The following UROS variants were observed in gnomAD, a reference collection of about 807,000 sequenced individuals.
UROS encodes uroporphyrinogen-III synthase.
In UROS, 18 loss-of-function variants were observed where a neutral mutation model predicts 33.0. The ratio of observed to expected loss-of-function variants is 0.55; its 90% confidence interval spans 0.38 to 0.81. UROS has a LOEUF of 0.81. UROS is among the 30% of genes least tolerant of loss of function. The pLI, the probability that UROS is intolerant of heterozygous loss-of-function variation, is 0.00. For synonymous variants in UROS, 114 were observed against 121.1 expected, an observed-to-expected ratio of 0.94 and a Z score of 0.38; for missense variants, 293 against 314.9, an observed-to-expected ratio of 0.93 and a Z score of 0.53.
At chr10:125,807,193 A>G in intron 6 of UROS, 1 of 581,720 alleles carries the variant, frequency 1.7e-6, no homozygotes, top group Non-Finnish European at 3.1e-6. Flanking sequence ...GTTCAAGTCA[A>G]GTTCTTTGGT....
At chr10:125,798,275 G>T in intron 6 of UROS, 130 bp from the exon 7 acceptor site, 1 of 885,260 alleles carries the variant, frequency 1.1e-6, no homozygotes. Context: ...CTAGGACTCA[G>T]TTTCAGCATC....
At chr10:125,787,316 C>G (rs1687915507), downstream of UROS, among the ~76,000 whole-genome samples, 1 of 151,940 alleles carries the variant, frequency 6.6e-6, no homozygotes, top group African/African-American at 2.4e-5. Context: ...GCCCACACAT[C>G]CCTCCCGCTC....
intron 5 of UROS, among the ~76,000 whole-genome samples, chr10:125,808,277 G>C (rs1303469381): frequency 1.3e-5 from 2 of 152,218 alleles, no homozygotes; most frequent in Middle Eastern, 3.2e-3. Context: ...AAGTGCTGTG[G>C]GCTTTCCACT....
chr10:125,797,196 C>A (rs1851439020), intron 7 of UROS, among the ~76,000 whole-genome samples: 1 of 152,180 alleles, frequency 6.6e-6, no homozygotes, highest in Non-Finnish European at 1.5e-5. Flanking sequence ...GGTCTAAGGT[C>A]ATCCTGGGTC....
chr10:125,804,171 C>G (rs1395420729), intron 6 of UROS, among the ~76,000 whole-genome samples: 1 of 152,178 alleles, frequency 6.6e-6, no homozygotes, highest in Non-Finnish European at 1.5e-5. Flanking sequence ...GAAGGCCACA[C>G]AGAGGATCAC....
intron 6 of UROS, among the ~76,000 whole-genome samples, chr10:125,806,215 C>T (rs1055925259): frequency 4.6e-5 from 7 of 152,172 alleles, no homozygotes; most frequent in Admixed American, 3.3e-4. Context: ...GCCAACATCA[C>T]CTTTAGGAGT....
At chr10:125,796,687 C>T (rs1851398626) in intron 7 of UROS, 2 of 745,870 alleles carry the variant, frequency 2.7e-6, no homozygotes, top group Non-Finnish European at 3.3e-6. Flanking sequence ...ACTGATTAAG[C>T]CGTGGACTTT....
At chr10:125,818,438 G>A (rs1853551544) in intron 1 of UROS, among the ~76,000 whole-genome samples, 1 of 151,922 alleles carries the variant, frequency 6.6e-6, no homozygotes, top group South Asian at 2.1e-4. Context: ...GGTTGCTGTG[G>A]GCTATAATCG....
intron 6 of UROS, among the ~76,000 whole-genome samples, chr10:125,804,797 CCTCT>C: frequency 6.6e-6 from 1 of 152,306 alleles, no homozygotes; most frequent in Middle Eastern, 3.4e-3. Flanking sequence ...ACTGTTCATA[CCTCT>C]TCTGGTCACT....
chr10:125,814,737 ATCTC>A (rs1253973424), intron 4 of UROS, among the ~76,000 whole-genome samples: 3 of 152,138 alleles, frequency 2.0e-5, no homozygotes, highest in African/African-American at 7.2e-5. Context: ...TTTTTTCATC[ATCTC>A]TCTTTCAGGA....
rs1045198638 is a variant in UROS, at chr10:125,791,981, C to A, written c.660+2899G>T. The A allele has an allele frequency of 6.6e-6, 1 of 152,052 alleles. No individual in the cohort carries two copies. The highest frequency in any genetic ancestry group is 2.1e-4 in the South Asian group (1 of 4,816). The allele number at this position is 152,052 out of a possible 1,614,324, so 9.4% of individuals were successfully genotyped here. The stretch of plus-strand genomic sequence containing the variant: ...GGGCGTGGTGGCTCACACCTGTAAT[C>A]CCTACATTTTGGGAGGCCAAGGTGG... On this transcript the variant is annotated intron_variant, in intron 9 of 9. Coordinates refer to ENST00000368797, the MANE Select transcript of UROS (RefSeq NM_000375.3).
chr10:125,815,216 C>T (rs1853201112), intron 3 of UROS, 86 bp from the exon 4 acceptor site: 1 of 1,456,312 alleles, frequency 6.9e-7, no homozygotes, highest in South Asian at 1.2e-5. Flanking sequence ...ATTCCAAATG[C>T]TTCACAATAG....
In UROS at chr10:125,796,181, G is replaced by A. The variant is rs1359239454; in HGVS notation, c.483C>T (p.Ala161=). The change falls in exon 8 of 10, where the codon GCC becomes GCT. Residue 161 remains alanine, a synonymous_variant. Coordinates refer to ENST00000368797, the MANE Select transcript of UROS (RefSeq NM_000375.3). ...TCTGATACACAGTTATGCTTTCCAT[G>A]GCAATCCCTGGGCACAATCAAAAGC... ...LPKALKDKGI[A]MESITVYQTV... 5.0e-6 allele frequency: 8 copies of A among 1,614,022 alleles called. No homozygotes were observed. The highest frequency in any genetic ancestry group is 5.9e-6 in the Non-Finnish European group (7 of 1,180,030).
chr10:125,799,077 G>A (rs1233463844), intron 6 of UROS, among the ~76,000 whole-genome samples: 2 of 152,078 alleles, frequency 1.3e-5, no homozygotes, highest in African/African-American at 4.8e-5. Context: ...TGACTACAAC[G>A]AGAGGAAGGA....
chr10:125,807,350 G>A (rs1449836584), intron 6 of UROS, 63 bp downstream of exon 6: 3 of 1,368,160 alleles, frequency 2.2e-6, no homozygotes, highest in Non-Finnish European at 3.1e-6. Context: ...TTTTCCCTAG[G>A]TAGTGGTTGT....
rs147782343 is a variant in UROS, at chr10:125,798,087, C to T, written c.453G>A (p.Leu151=). ...CGCCTTTGTCCTTGAGCGCTTTTGG[C>T]AGGATTTCTCTTTTGAGGTTTCCAC... ...FPCGNLKREI[L]PKALKDKGIA... is the part of the protein sequence containing the mutation. Residue 151 remains leucine, a synonymous_variant, in exon 7 of 10, where the codon CTG becomes CTA. Transcript: ENST00000368797. 1 of 1,613,904 alleles carries T rather than the reference C, an allele frequency of 6.2e-7. No homozygotes were observed. Among genetic ancestry groups the T allele is most frequent in the Non-Finnish European group, 8.5e-7 (1 of 1,179,904 alleles).
At chr10:125,793,010 TAATC>T (rs1312591825) in intron 9 of UROS, 2 of 152,058 alleles carry the variant, frequency 1.3e-5, no homozygotes, top group Non-Finnish European at 2.9e-5. Context: ...GCAGGCAGGG[TAATC>T]AATCACTGTA....
At chr10:125,802,820 C>T (rs773397124) in intron 6 of UROS, 25 of 1,469,694 alleles carry the variant, frequency 1.7e-5, no homozygotes, top group East Asian at 7.4e-5. Flanking sequence ...AGGCCCTGTG[C>T]GCTCCTGGAG....
intron 6 of UROS, among the ~76,000 whole-genome samples, chr10:125,805,447 C>T (rs1852238834): frequency 6.6e-6 from 1 of 152,144 alleles, no homozygotes; most frequent in South Asian, 2.1e-4. Context: ...TCCAGCCTGC[C>T]ACTTCATAGC....
Sources: gnomAD v4.1 joint callset for allele counts (sites outside exome capture counted in the v4.1 genomes callset) on GRCh38, gnomAD v4.1.1 for gene constraint, MANE v1.5 for transcripts, NCBI Gene and HGNC (gene_info 2026-07-23, HGNC 2026-07-21) for gene names.